Variants in SLC18A2 observed in about 807,000 individuals in gnomAD.
The protein encoded by SLC18A2 is synaptic vesicular amine transporter.
SLC18A2 carries 33 observed loss-of-function variants against 59.2 expected under a neutral mutation model. The ratio of observed to expected loss-of-function variants is 0.56; its 90% CI spans 0.42 to 0.75. SLC18A2 has a LOEUF of 0.75. SLC18A2 is among the 30% of genes least tolerant of loss of function. SLC18A2 has a pLI of 0.00. For missense variants in SLC18A2, 569 were observed against 668.6 expected (o/e 0.85, Z 1.64); for synonymous variants, 228 against 253.5 (o/e 0.90, Z 0.95).
chr10:117,259,196 T>C (rs1336296022), intron 10 of SLC18A2, among the ~76,000 whole-genome samples: 1 of 152,256 alleles, frequency 6.6e-6, no homozygotes, highest in Non-Finnish European at 1.5e-5. Flanking sequence ...ATTAATTTCC[T>C]TTCTTTTTGC....
At position 117,267,995 on chromosome 10, in the gene SLC18A2, G is replaced by T. The variant is rs558015152; in HGVS notation, c.1186+259G>T. On this transcript the variant is annotated intron_variant, in intron 13 of 15. Coordinates refer to ENST00000644641, the MANE Select transcript of SLC18A2 (RefSeq NM_003054.6). ...AAGGAAACTGATGCTCCACTGCTGGGGCTGGGCAAACAAAGGAATCCCTTG... is the reference window on the plus strand; with the variant it reads ...AAGGAAACTGATGCTCCACTGCTGGTGCTGGGCAAACAAAGGAATCCCTTG... The T allele has an allele frequency of 5.8e-5, 22 of 380,604 alleles. No individual in the cohort carries two copies. The South Asian group carries it at 1.2e-3, about 20-fold the overall frequency. 23.6% of individuals were successfully genotyped at this position (380,604 alleles called of 1,614,324 possible). A position where few individuals can be genotyped will look rare whatever the true frequency, so the allele number is the denominator to read the frequency against.
At chr10:117,247,756 T>G (rs757481278) in intron 3 of SLC18A2, among the ~76,000 whole-genome samples, 6 of 152,212 alleles carry the variant, frequency 3.9e-5, no homozygotes, top group Non-Finnish European at 7.4e-5. Flanking sequence ...TCCAGCCTCG[T>G]GCATCCCTAA....
intron 1 of SLC18A2, 22 bp from the exon 2 acceptor site, chr10:117,241,657 T>TCACCGCG: frequency 6.5e-7 from 1 of 1,542,526 alleles, no homozygotes; most frequent in East Asian, 2.5e-5. Flanking sequence ...CCTTGGGTCC[T>TCACCGCG]CACCGCGCAC....
intron 13 of SLC18A2, chr10:117,268,723 C>T (rs979716296): frequency 2.0e-5 from 3 of 152,316 alleles, no homozygotes; most frequent in African/African-American, 4.8e-5. Context: ...ATGGGTGTTT[C>T]CAAGGTGGAG....
chr10:117,253,484 G>A, intron 4 of SLC18A2, 27 bp downstream of exon 4: 1 of 1,581,704 alleles, frequency 6.3e-7, no homozygotes, highest in Non-Finnish European at 8.7e-7. Context: ...TTCCTTCTGA[G>A]TGTGGGTCTC....
chr10:117,259,186 AT>A (rs559729229), intron 10 of SLC18A2, among the ~76,000 whole-genome samples: 19 of 152,186 alleles, frequency 1.2e-4, no homozygotes, highest in Non-Finnish European at 2.4e-4. Flanking sequence ...GGGTACTGTG[AT>A]TAATTTCCTT....
At chr10:117,268,704 G>A (rs1393841440) in intron 13 of SLC18A2, 3 of 152,466 alleles carry the variant, frequency 2.0e-5, no homozygotes, top group Non-Finnish European at 2.9e-5. Context: ...TGGGCCACAC[G>A]CTTAGACTAT....
Position 117,278,829 on chromosome 10 carries a change from A to G in SLC18A2, c.*1563A>G, listed in dbSNP as rs1198720968. 2.0e-5 allele frequency: 3 copies of G among 152,214 alleles called. No individual in the cohort carries two copies. The highest frequency in any genetic ancestry group is 7.2e-5 in the African/African-American group (3 of 41,444). The allele number at this position is 152,214 out of a possible 1,614,324, so 9.4% of individuals were successfully genotyped here. On this transcript the variant is annotated 3_prime_UTR_variant, in exon 16 of 16. Coordinates refer to ENST00000644641, the MANE Select transcript of SLC18A2 (RefSeq NM_003054.6). ...AAGCAAACGAACTTCCAACTCACTTATTTGGCATTGGGCAACTTGGCCAAG... is the reference window on the plus strand; with the variant it reads ...AAGCAAACGAACTTCCAACTCACTTGTTTGGCATTGGGCAACTTGGCCAAG...
chr10:117,262,726 C>G (rs1464488451), intron 10 of SLC18A2, among the ~76,000 whole-genome samples: 1 of 152,002 alleles, frequency 6.6e-6, no homozygotes, highest in Non-Finnish European at 1.5e-5. Context: ...CTGGAGTGCT[C>G]TGGTGTAATC....
chr10:117,250,674 C>T (rs2803815), intron 3 of SLC18A2, among the ~76,000 whole-genome samples: 133,927 of 152,232 alleles, frequency 0.88, 59,712 homozygotes, highest in South Asian at 0.97. Context: ...AGGGTATGCC[C>T]GTAGCCTTGA....
At chr10:117,270,737 A>T (rs1329060060) in intron 15 of SLC18A2, among the ~76,000 whole-genome samples, 1 of 152,178 alleles carries the variant, frequency 6.6e-6, no homozygotes, top group East Asian at 1.9e-4. Flanking sequence ...ATAAACCTGG[A>T]ATCATTCAAT....
rs1844101849 is a variant in SLC18A2 at position 117,245,555 on chromosome 10, G to C, written c.464+1242G>C. Among the ~76,000 whole-genome samples the C allele has an allele frequency of 2.6e-5, 4 of 152,022 alleles. No individual in the cohort carries two copies. The South Asian group carries it at 8.3e-4, about 32-fold the overall frequency. ...TTCACATTTCCTCTGCCTTTGGCGT[G>C]GGGAGTGGGGCGCAGGACTGGCTGC... On this transcript the variant is annotated intron_variant, in intron 3 of 15. Coordinates refer to ENST00000644641, the MANE Select transcript of SLC18A2 (RefSeq NM_003054.6).
chr10:117,247,355 C>T (rs950266023), intron 3 of SLC18A2, among the ~76,000 whole-genome samples: 3 of 152,150 alleles, frequency 2.0e-5, no homozygotes, highest in Non-Finnish European at 4.4e-5. Flanking sequence ...TTGGGCCAGT[C>T]CTAGCATTTT....
chr10:117,247,591 C>T (rs1386133558), intron 3 of SLC18A2, among the ~76,000 whole-genome samples: 1 of 152,224 alleles, frequency 6.6e-6, no homozygotes, highest in Non-Finnish European at 1.5e-5. Flanking sequence ...CTGGTTGTAC[C>T]AGGCAGAACT....
chr10:117,263,599 C>T (rs1385907125), intron 10 of SLC18A2, among the ~76,000 whole-genome samples: 3 of 152,160 alleles, frequency 2.0e-5, no homozygotes, highest in Non-Finnish European at 4.4e-5. Flanking sequence ...TGAGGGGAAG[C>T]CCTGGGCTTG....
At chr10:117,245,950 T>A (rs375998643) in intron 3 of SLC18A2, among the ~76,000 whole-genome samples, 2 of 148,828 alleles carry the variant, frequency 1.3e-5, no homozygotes, top group East Asian at 1.9e-4. Context: ...CTAAGGCTGC[T>A]ACATAAAACA....
rs1589980348 is a variant in SLC18A2 at position 117,255,367 on chromosome 10, G to A, written c.790+1G>A. ...GCCGCCCTGGTACTCTTGGATGGAGGTGAGTGAGTCCACGTGGGCGCCATG... is the reference window on the plus strand; with the variant it reads ...GCCGCCCTGGTACTCTTGGATGGAGATGAGTGAGTCCACGTGGGCGCCATG... On this transcript the variant is annotated splice_donor_variant, in intron 7 of 15. Transcript: ENST00000644641. LOFTEE classifies it high-confidence loss of function. The A allele has an allele frequency of 6.2e-7, 1 of 1,614,254 alleles. No homozygotes were observed. The highest frequency in any genetic ancestry group is 1.1e-5 in the South Asian group (1 of 91,086).
chr10:117,255,093 G>A (rs1844213440), intron 6 of SLC18A2, among the ~76,000 whole-genome samples, 184 bp from the exon 7 acceptor site: 1 of 152,220 alleles, frequency 6.6e-6, no homozygotes, highest in Non-Finnish European at 1.5e-5. Flanking sequence ...CATTTCTTAG[G>A]AAAAGGCACT....
Position 117,255,701 on chromosome 10 carries a change from T to A in SLC18A2, c.895+44T>A, listed in dbSNP as rs777952282. On this transcript the variant is annotated intron_variant, in intron 9 of 15. Transcript: ENST00000644641. ...TCTGAGTCAGGGGAATGCGAGGTGA[T>A]GGCCGCGTGCTGGAGGCAGGGGTGG... is the stretch of plus-strand genomic sequence containing the variant. 37 of 1,583,476 alleles carry A rather than the reference T, an allele frequency of 2.3e-5. 1 individual carries two copies. In the Admixed American group the frequency reaches 5.1e-4, roughly 22 times the overall value.
Sources: gnomAD v4.1 joint callset for allele counts (sites outside exome capture counted in the v4.1 genomes callset) on GRCh38, gnomAD v4.1.1 for gene constraint, MANE v1.5 for transcripts, NCBI Gene and HGNC (gene_info 2026-07-23, HGNC 2026-07-21) for gene names.